KCNQ1: variants seen among roughly 807,000 people sequenced by gnomAD.
KCNQ1 encodes the protein potassium voltage-gated channel subfamily KQT member 1.
Under a neutral mutation model 72.4 loss-of-function variants are expected in KCNQ1, and 49 were observed. The observed-to-expected ratio is 0.68, with a 90% CI of 0.54 to 0.86. The LOEUF (loss-of-function observed/expected upper bound fraction) is 0.86. KCNQ1 is among the 40% of genes least tolerant of loss of function. The pLI is 0.00. For missense variants in KCNQ1, 790 were observed against 945.1 expected, an observed-to-expected ratio of 0.84 and a Z score of 2.15; for synonymous variants, 450 against 412.6, an observed-to-expected ratio of 1.09 and a Z score of -1.10.
intron 15 of KCNQ1, among the ~76,000 whole-genome samples, chr11:2,811,385 C>T (rs1183586410): frequency 2.6e-5 from 4 of 152,264 alleles, no homozygotes; most frequent in South Asian, 2.1e-4. Flanking sequence ...GGCAGCAGAA[C>T]GTTCTCCTGA....
chr11:2,680,766 A>G (rs191701867), intron 11 of KCNQ1: 1 of 394,320 alleles, frequency 2.5e-6, no homozygotes, highest in East Asian at 3.6e-5. Context: ...CTACTAACCT[A>G]TTCTTCATTT....
intron 6 of KCNQ1, among the ~76,000 whole-genome samples, chr11:2,576,691 G>A (rs1040469406): frequency 1.3e-5 from 2 of 152,244 alleles, no homozygotes; most frequent in East Asian, 1.9e-4. Flanking sequence ...GCACCCTGGC[G>A]GGGCAAGGCC....
At position 2,768,109 on chromosome 11, in the gene KCNQ1, A is replaced by T. The variant is rs750630294; in HGVS notation, c.1515-735A>T. Among the ~76,000 whole-genome samples the T allele has an allele frequency of 1.3e-5, 2 of 152,168 alleles. No homozygotes were observed. Among genetic ancestry groups the T allele is most frequent in the Non-Finnish European group, 1.5e-5 (1 of 68,028 alleles). The stretch of plus-strand genomic sequence containing the variant: ...CTGTTCCTTGCTGTTGGCATCACTT[A>T]GTCTCGCAGTCCCTGGTGTTTCCAT... On this transcript the variant is annotated intron_variant, in intron 11 of 15. Transcript: ENST00000155840. The surrounding 1 kb of genome is among the most constrained non-coding windows in gnomAD (Gnocchi z 6.7).
intron 11 of KCNQ1, among the ~76,000 whole-genome samples, chr11:2,749,641 CAAAA>C (rs35701102): frequency 1.4e-4 from 12 of 87,102 alleles, no homozygotes; most frequent in South Asian, 4.2e-4. Context: ...ACTAAAAATA[CAAAA>C]AAAAAAAAAA....
intron 2 of KCNQ1, among the ~76,000 whole-genome samples, chr11:2,531,934 G>C (rs1420768278): frequency 6.6e-6 from 1 of 152,196 alleles, no homozygotes; most frequent in Admixed American, 6.5e-5. Context: ...GTGGTGCCAC[G>C]TTCAGGCCCA....
intron 1 of KCNQ1, among the ~76,000 whole-genome samples, chr11:2,459,363 G>T (rs984067480): frequency 2.6e-5 from 4 of 152,206 alleles, no homozygotes; most frequent in African/African-American, 9.7e-5. Context: ...CAGGGGCAGG[G>T]GTGGGGGGCA....
rs1846620433 is a variant in KCNQ1, at chr11:2,479,374, C to G, written c.386+33890C>G. ...CTGCAGCAAACTTCTGCCTGGACAT[C>G]CAGGCATTTCCATACATCTCTGAAA... On this transcript the variant is annotated intron_variant, in intron 1 of 15. Transcript: ENST00000155840. The surrounding 1 kb of genome is among the most constrained non-coding windows in gnomAD (Gnocchi z 4.6). Among the ~76,000 whole-genome samples, 2 of 152,356 alleles carry G rather than the reference C, an allele frequency of 1.3e-5. No homozygotes were observed. Among genetic ancestry groups the G allele is most frequent in the Non-Finnish European group, 2.9e-5 (2 of 68,040 alleles).
At chr11:2,847,597 G>A (rs1041531664) in intron 15 of KCNQ1, among the ~76,000 whole-genome samples, 170 bp from the exon 16 acceptor site, 3 of 152,198 alleles carry the variant, frequency 2.0e-5, no homozygotes, top group African/African-American at 4.8e-5. Context: ...AGGCGCGACC[G>A]AGGGCCTTGC....
At chr11:2,476,086 C>T (rs1217018018) in intron 1 of KCNQ1, among the ~76,000 whole-genome samples, 3 of 152,106 alleles carry the variant, frequency 2.0e-5, no homozygotes, top group African/African-American at 7.2e-5. Context: ...ATCAAGAAAA[C>T]AAAAATAATC....
Position 2,676,598 on chromosome 11 carries a change from C to T in KCNQ1, c.1514+14517C>T. 1 of 398,626 alleles carries T rather than the reference C, an allele frequency of 2.5e-6. No individual in the cohort carries two copies. Among genetic ancestry groups the T allele is most frequent in the East Asian group, 3.6e-5 (1 of 28,074 alleles). The allele number at this position is 398,626 out of a possible 1,614,324, so 24.7% of individuals were successfully genotyped here. On this transcript the variant is annotated intron_variant, in intron 11 of 15. Transcript: ENST00000155840. This position sits in a 1 kb window ranked among gnomAD's most constrained non-coding sequence, Gnocchi z 4.2. ...TACTGGGTATTCAACAGCCAGCTCTCCAAAGAGGCCTCTAAGAAATGGGTA... is the reference window on the plus strand; with the variant it reads ...TACTGGGTATTCAACAGCCAGCTCTTCAAAGAGGCCTCTAAGAAATGGGTA...
At position 2,568,272 on chromosome 11, in the gene KCNQ1, CATAA is replaced by C. The variant is rs71029149; in HGVS notation, c.478-2326_478-2323del. On this transcript the variant is annotated intron_variant, in intron 2 of 15. Transcript: ENST00000155840. ...TGGGTGACAGAGCGAGACTCTGTCT[CATAA>C]ATAAATAAATAAATAAATAAATAAA... Among the ~76,000 whole-genome samples, 649 of 149,178 alleles carry C rather than the reference CATAA, an allele frequency of 4.4e-3. 3 individuals carry two copies. The highest frequency in any genetic ancestry group is 5.4e-3 in the Admixed American group (81 of 15,032).
Position 2,848,314 on chromosome 11 carries a change from C to A in KCNQ1, c.*311C>A. 1.6e-6 allele frequency: 1 copy of A among 618,792 alleles called. No homozygotes were observed. Among genetic ancestry groups the A allele is most frequent in the Admixed American group, 2.1e-5 (1 of 46,708 alleles). The allele number at this position is 618,792 out of a possible 1,614,324, so 38.3% of individuals were successfully genotyped here. A position where few individuals can be genotyped will look rare whatever the true frequency, so the allele number is the denominator to read the frequency against. Reference sequence around the variant, plus strand: ...TGGGACCCAGTGGCAGGGCACAGGGCCTGGCCCATGTATGGCCAGGAAGTA... The same window carrying A: ...TGGGACCCAGTGGCAGGGCACAGGGACTGGCCCATGTATGGCCAGGAAGTA... On this transcript the variant is annotated 3_prime_UTR_variant, in exon 16 of 16. Transcript: ENST00000155840.
chr11:2,469,580 C>T (rs914066078), intron 1 of KCNQ1, among the ~76,000 whole-genome samples: 12 of 151,312 alleles, frequency 7.9e-5, no homozygotes, highest in African/African-American at 2.9e-4. Context: ...CGAGATGTTA[C>T]ATGTTTCTAT....
At chr11:2,448,245 G>A (rs369551357) in intron 1 of KCNQ1, among the ~76,000 whole-genome samples, 16 of 152,296 alleles carry the variant, frequency 1.1e-4, no homozygotes, top group African/African-American at 3.8e-4. Flanking sequence ...ATTTGAGGGG[G>A]GACCTGCAGT....
chr11:2,581,369 G>A (rs1005673282), intron 6 of KCNQ1, among the ~76,000 whole-genome samples: 1 of 152,226 alleles, frequency 6.6e-6, no homozygotes, highest in Non-Finnish European at 1.5e-5. Context: ...TTGCAGCCCT[G>A]TGTCTGCCTC....
chr11:2,846,598 T>C (rs1264753620), intron 15 of KCNQ1, among the ~76,000 whole-genome samples: 5 of 152,120 alleles, frequency 3.3e-5, no homozygotes, highest in Non-Finnish European at 7.4e-5. Context: ...TCACCTGCCC[T>C]AGTCTGCCCC....
intron 1 of KCNQ1, among the ~76,000 whole-genome samples, chr11:2,522,930 C>T (rs1847414090): frequency 6.6e-6 from 1 of 152,218 alleles, no homozygotes; most frequent in Non-Finnish European, 1.5e-5. Context: ...TGCAGTCTTC[C>T]CTGGCCACAT....
chr11:2,666,246 G>A, intron 11 of KCNQ1: 2 of 398,654 alleles, frequency 5.0e-6, no homozygotes, highest in Non-Finnish European at 8.8e-6. Context: ...GATGGGCATG[G>A]GGGAGGACCA....
At chr11:2,776,827 G>A (rs111521951) in intron 13 of KCNQ1, among the ~76,000 whole-genome samples, 159 bp from the exon 14 acceptor site, 1 of 152,220 alleles carries the variant, frequency 6.6e-6, no homozygotes, top group African/African-American at 2.4e-5. Context: ...CTGGGGGGTT[G>A]GGAGTGACCT....
Sources: gnomAD v4.1 joint callset for allele counts (sites outside exome capture counted in the v4.1 genomes callset) on GRCh38, gnomAD v4.1.1 for gene constraint, Gnocchi (gnomAD v3.1) non-coding constraint, MANE v1.5 for transcripts, NCBI Gene and HGNC (gene_info 2026-07-23, HGNC 2026-07-21) for gene names.